ZPBP: variants seen among roughly 807,000 people sequenced by gnomAD.
The protein encoded by ZPBP is zona pellucida binding protein.
A neutral mutation model predicts 44.8 loss-of-function variants in ZPBP; 26 were observed. The ratio of observed to expected loss-of-function variants is 0.58; its 90% CI spans 0.43 to 0.81. The LOEUF is 0.81. Ranked by LOEUF, ZPBP falls within the 30% of genes least tolerant of loss-of-function variation. ZPBP has a pLI of 0.00. For synonymous variants in ZPBP, 174 were observed against 153.2 expected, an observed-to-expected ratio of 1.14 and a Z score of -1.00; for missense variants, 409 against 434.0, an observed-to-expected ratio of 0.94 and a Z score of 0.51.
chr7:49,911,417 G>A (rs957222557), intron 1 of ZPBP, among the ~76,000 whole-genome samples: 8 of 147,302 alleles, frequency 5.4e-5, no homozygotes, highest in African/African-American at 1.0e-4. Context: ...CGGAGGCAGA[G>A]GTTGCAGTGA....
chr7:49,880,631 G>A (rs1791622109), intron 2 of ZPBP, among the ~76,000 whole-genome samples: 2 of 151,656 alleles, frequency 1.3e-5, no homozygotes, highest in Admixed American at 1.3e-4. Flanking sequence ...TAGGGTACAT[G>A]TGAGAACACT....
intron 6 of ZPBP, among the ~76,000 whole-genome samples, chr7:49,992,656 C>T (rs1379088924): frequency 6.6e-6 from 1 of 152,084 alleles, no homozygotes; most frequent in Non-Finnish European, 1.5e-5. Flanking sequence ...TTTTAGATAA[C>T]TTCATTGAGA....
At chr7:50,077,967 T>C (rs1172148687) in intron 3 of ZPBP, among the ~76,000 whole-genome samples, 1 of 151,810 alleles carries the variant, frequency 6.6e-6, no homozygotes, top group Non-Finnish European at 1.5e-5. Context: ...CTGCTTACAA[T>C]AGCTAAGATT....
At chr7:49,987,059 T>C (rs933789662) in intron 6 of ZPBP, among the ~76,000 whole-genome samples, 8 of 152,188 alleles carry the variant, frequency 5.3e-5, no homozygotes, top group Non-Finnish European at 2.9e-5. Flanking sequence ...GAGTCCTTTC[T>C]GGTTTGATAT....
At chr7:49,851,311 A>C (rs1266878638) in intron 2 of ZPBP, among the ~76,000 whole-genome samples, 1 of 151,552 alleles carries the variant, frequency 6.6e-6, no homozygotes, top group Non-Finnish European at 1.5e-5. Flanking sequence ...ATTTGCAAAA[A>C]CCCTTTTCCA....
chr7:49,918,694 A>C (rs1412844454), intron 1 of ZPBP: 2 of 152,196 alleles, frequency 1.3e-5, no homozygotes, highest in Non-Finnish European at 2.9e-5. Flanking sequence ...TTCAAATTTC[A>C]TATTCTTTTA....
intron 1 of ZPBP, among the ~76,000 whole-genome samples, chr7:49,928,972 C>T (rs565615095): frequency 6.6e-6 from 1 of 152,310 alleles, no homozygotes; most frequent in East Asian, 1.9e-4. Flanking sequence ...ACACCTTTAT[C>T]TGCTATGACA....
intron 6 of ZPBP, among the ~76,000 whole-genome samples, chr7:50,007,125 C>T (rs1798347228): frequency 6.6e-6 from 1 of 151,820 alleles, no homozygotes; most frequent in Non-Finnish European, 1.5e-5. Flanking sequence ...ACAGTGAGCC[C>T]TCACAAGATA....
intron 2 of ZPBP, among the ~76,000 whole-genome samples, chr7:49,892,818 G>C (rs780500241): frequency 6.6e-6 from 1 of 152,192 alleles, no homozygotes; most frequent in Non-Finnish European, 1.5e-5. Context: ...ATGTTCATCA[G>C]ATCCTAATAA....
intron 7 of ZPBP, among the ~76,000 whole-genome samples, chr7:49,982,156 T>C (rs1444127178): frequency 2.6e-4 from 11 of 41,594 alleles, no homozygotes; most frequent in African/African-American, 1.2e-3. Flanking sequence ...ATATATAATA[T>C]ATAATATATA....
downstream of ZPBP, among the ~76,000 whole-genome samples, chr7:49,934,836 A>T (rs1379582552): frequency 6.6e-6 from 1 of 152,176 alleles, no homozygotes; most frequent in Non-Finnish European, 1.5e-5. Flanking sequence ...CATATTTATA[A>T]TAAGAAAAAC....
At chr7:49,992,594 G>T (rs1331509663) in intron 6 of ZPBP, among the ~76,000 whole-genome samples, 1 of 152,030 alleles carries the variant, frequency 6.6e-6, no homozygotes, top group Non-Finnish European at 1.5e-5. Flanking sequence ...GTATAAGAGA[G>T]ATGGAGAAAT....
chr7:50,089,999 TC>T (rs1469584728), intron 1 of ZPBP, among the ~76,000 whole-genome samples: 1 of 152,128 alleles, frequency 6.6e-6, no homozygotes, highest in Non-Finnish European at 1.5e-5. Context: ...AAATCACAAG[TC>T]CCTTCTCCTT....
chr7:49,865,628 ACT>A (rs945305224), intron 2 of ZPBP, among the ~76,000 whole-genome samples: 2 of 152,006 alleles, frequency 1.3e-5, no homozygotes, highest in African/African-American at 2.4e-5. Context: ...TATTTTTGAG[ACT>A]CTGTTTGTAT....
chr7:49,866,986 A>G (rs1790919029), intron 2 of ZPBP, among the ~76,000 whole-genome samples: 1 of 152,248 alleles, frequency 6.6e-6, no homozygotes, highest in South Asian at 2.1e-4. Flanking sequence ...AAGCAAAATC[A>G]TAAGTGAAAC....
At chr7:50,000,916 A>G (rs1798067975) in intron 6 of ZPBP, among the ~76,000 whole-genome samples, 1 of 152,112 alleles carries the variant, frequency 6.6e-6, no homozygotes, top group African/African-American at 2.4e-5. Context: ...TTAAGAGGTA[A>G]TTAGGGTAAA....
At chr7:50,014,656 G>T (rs1262718434) in intron 6 of ZPBP, among the ~76,000 whole-genome samples, 3 of 151,170 alleles carry the variant, frequency 2.0e-5, no homozygotes, top group Non-Finnish European at 4.4e-5. Flanking sequence ...GTAGAGATGG[G>T]GTTTCTCCAT....
At chr7:49,896,282 A>C (rs1187755779) in intron 2 of ZPBP, among the ~76,000 whole-genome samples, 2 of 152,224 alleles carry the variant, frequency 1.3e-5, no homozygotes. Context: ...TGGAGGTTGC[A>C]GTGAGCTGAG....
At chr7:50,072,213 T>G (rs570645873) in intron 3 of ZPBP, among the ~76,000 whole-genome samples, 47 of 152,252 alleles carry the variant, frequency 3.1e-4, no homozygotes, top group African/African-American at 1.1e-3. Context: ...TAGTTGGCAA[T>G]AATCCCACTG....
Sources: allele counts gnomAD v4.1 joint callset (sites outside exome capture counted in the v4.1 genomes callset), GRCh38; gene constraint gnomAD v4.1.1; transcripts MANE v1.5; gene names NCBI Gene and HGNC (gene_info 2026-07-23, HGNC 2026-07-21).